Variants in TMEM117 observed in about 807,000 individuals in gnomAD.
TMEM117 encodes transmembrane protein 117.
A neutral mutation model predicts 52.4 loss-of-function variants in TMEM117; 27 were observed. The observed-to-expected ratio is 0.51, with a 90% confidence interval of 0.38 to 0.71. The LOEUF (loss-of-function observed/expected upper bound fraction) is 0.71. TMEM117 is among the 30% of genes least tolerant of loss of function. TMEM117 has a pLI of 0.00. For missense variants in TMEM117, 556 were observed against 630.5 expected, an observed-to-expected ratio of 0.88 and a Z score of 1.26; for synonymous variants, 215 against 206.3, an observed-to-expected ratio of 1.04 and a Z score of -0.36.
chr12:43,798,636 ATC>A, the TMEM117 span: 4 of 1,428,814 alleles, frequency 2.8e-6, no homozygotes, highest in Non-Finnish European at 3.7e-6. Flanking sequence ...AAAAAAAAAA[ATC>A]ACATAAAAAG....
chr12:44,247,165 C>T (rs968997018), intron 5 of TMEM117, among the ~76,000 whole-genome samples: 1 of 152,206 alleles, frequency 6.6e-6, no homozygotes, highest in African/African-American at 2.4e-5. Context: ...TTTAGGCCTT[C>T]AAATTACAGT....
rs144093698 is a variant in TMEM117 at position 44,085,661 on chromosome 12, T to C, written c.411-57864T>C. Among the ~76,000 whole-genome samples the C allele has an allele frequency of 4.5e-3, 692 of 152,342 alleles. 4 individuals are homozygous for C. The highest frequency in any genetic ancestry group is 0.015 in the African/African-American group (639 of 41,586). On this transcript the variant is annotated intron_variant, in intron 3 of 7. Coordinates refer to ENST00000266534, the MANE Select transcript of TMEM117 (RefSeq NM_032256.3). The stretch of plus-strand genomic sequence containing the variant: ...TGTTTTCTCACCTGCGAAAGGTAGT[T>C]GCTAATAATGCATTTTAACTCTTGT...
intron 5 of TMEM117, among the ~76,000 whole-genome samples, chr12:44,280,076 C>G (rs1470174065): frequency 1.3e-5 from 2 of 152,038 alleles, no homozygotes; most frequent in Admixed American, 6.6e-5. Context: ...TTGTTTTTCC[C>G]TATATATACT....
chr12:43,862,083 T>A (rs1294955129), intron 2 of TMEM117, among the ~76,000 whole-genome samples: 1 of 152,224 alleles, frequency 6.6e-6, no homozygotes. Flanking sequence ...GTTGCTTCGC[T>A]GTCTGCTTGA....
intron 2 of TMEM117, among the ~76,000 whole-genome samples, chr12:43,882,336 T>A (rs1346728464): frequency 6.6e-6 from 1 of 151,432 alleles, no homozygotes; most frequent in Non-Finnish European, 1.5e-5. Context: ...GGCAGGCACC[T>A]GTAATCCCAG....
intron 5 of TMEM117, among the ~76,000 whole-genome samples, chr12:44,222,998 C>G (rs924485265): frequency 4.6e-5 from 7 of 150,786 alleles, no homozygotes; most frequent in Admixed American, 1.3e-4. Flanking sequence ...AGTCATAAAC[C>G]AAGAATTCAA....
the TMEM117 span, among the ~76,000 whole-genome samples, chr12:43,823,443 G>A: frequency 6.6e-6 from 1 of 152,128 alleles, no homozygotes; most frequent in Non-Finnish European, 1.5e-5. Context: ...ACATTTTTTG[G>A]TGAGGCTGAA....
At chr12:43,828,142 G>A in the TMEM117 span, among the ~76,000 whole-genome samples, 3 of 152,242 alleles carry the variant, frequency 2.0e-5, no homozygotes, top group South Asian at 2.1e-4. Flanking sequence ...AATTTGTTAC[G>A]GCAGCCTGGA....
chr12:44,077,305 T>C (rs1364293883), intron 3 of TMEM117, among the ~76,000 whole-genome samples: 3 of 152,242 alleles, frequency 2.0e-5, no homozygotes, highest in Non-Finnish European at 4.4e-5. Context: ...TCAAGAACTC[T>C]GCTCTAAAGT....
chr12:44,103,259 A>G (rs1947894946), intron 3 of TMEM117, among the ~76,000 whole-genome samples: 2 of 150,116 alleles, frequency 1.3e-5, no homozygotes, highest in African/African-American at 4.9e-5. Context: ...TTTTTCCTGT[A>G]ACTTATGGAC....
chr12:43,950,670 T>C (rs543072624), intron 3 of TMEM117, among the ~76,000 whole-genome samples: 34 of 152,216 alleles, frequency 2.2e-4, no homozygotes, highest in Non-Finnish European at 4.6e-4. Flanking sequence ...AGCTTCCCGA[T>C]AAGCTCTCAG....
chr12:44,331,771 C>G (rs930246728), intron 6 of TMEM117, among the ~76,000 whole-genome samples: 1 of 151,820 alleles, frequency 6.6e-6, no homozygotes, highest in Non-Finnish European at 1.5e-5. Flanking sequence ...GAAATTTTTC[C>G]CTTCCTCTAG....
chr12:44,039,513 GTTCTACCAAAAACTTTTGAGAT>G (rs1459340267), intron 3 of TMEM117, among the ~76,000 whole-genome samples: 1 of 151,728 alleles, frequency 6.6e-6, no homozygotes, highest in African/African-American at 2.4e-5. Context: ...AGATGATGAA[GTTCTACCAAAAACTTTTGAGAT>G]TTTGACTGGC....
At position 44,211,250 on chromosome 12, in the gene TMEM117, A is replaced by G. The variant is rs1159051703; in HGVS notation, c.511-40A>G. The G allele has an allele frequency of 4.5e-6, 6 of 1,326,792 alleles. No individual in the cohort carries two copies. In the African/African-American group the frequency reaches 5.8e-5, roughly 13 times the overall value. The allele number at this position is 1,326,792 out of a possible 1,614,324, so 82.2% of individuals were successfully genotyped here. On this transcript the variant is annotated intron_variant, in intron 4 of 7. Coordinates refer to ENST00000266534, the MANE Select transcript of TMEM117 (RefSeq NM_032256.3). ...GCTTATAGTTAAATCTGATTTTAAG[A>G]TTTCTGAAAGTGCTGAATAAGTTCC...
At chr12:44,338,608 A>G (rs1489690741) in intron 6 of TMEM117, among the ~76,000 whole-genome samples, 1 of 152,084 alleles carries the variant, frequency 6.6e-6, no homozygotes, top group Non-Finnish European at 1.5e-5. Context: ...GGATTAAAAA[A>G]AAATATAAAT....
intron 4 of TMEM117, among the ~76,000 whole-genome samples, chr12:44,161,944 C>G (rs996533588): frequency 9.9e-5 from 15 of 152,000 alleles, no homozygotes; most frequent in African/African-American, 3.6e-4. Context: ...TTAGTTGAGG[C>G]ATCTATGGAA....
chr12:44,123,305 T>C (rs1336789407), intron 3 of TMEM117, among the ~76,000 whole-genome samples: 6 of 152,162 alleles, frequency 3.9e-5, no homozygotes, highest in African/African-American at 1.2e-4. Flanking sequence ...TAGATGTTTG[T>C]CAGACAGATA....
At chr12:43,912,466 G>A (rs7974046) in intron 2 of TMEM117, among the ~76,000 whole-genome samples, 2 of 146,040 alleles carry the variant, frequency 1.4e-5, no homozygotes, top group African/African-American at 5.5e-5. Flanking sequence ...CCTGCGCGTT[G>A]TGCACATGTA....
At chr12:43,938,874 C>G (rs1944996794) in intron 2 of TMEM117, among the ~76,000 whole-genome samples, 1 of 151,984 alleles carries the variant, frequency 6.6e-6, no homozygotes, top group South Asian at 2.1e-4. Flanking sequence ...GTGGCGTGTG[C>G]CTGTAATCCC....
Sources: allele counts gnomAD v4.1 joint callset (sites outside exome capture counted in the v4.1 genomes callset), GRCh38; gene constraint gnomAD v4.1.1; transcripts MANE v1.5; gene names NCBI Gene and HGNC (gene_info 2026-07-23, HGNC 2026-07-21).